GRAMD4: variants seen among roughly 807,000 people sequenced by gnomAD.
GRAMD4 encodes the protein GRAM domain-containing protein 4.
In GRAMD4, 25 loss-of-function variants were observed where a neutral mutation model predicts 83.9. The ratio of observed to expected loss-of-function variants is 0.30; its 90% confidence interval spans 0.22 to 0.42. The LOEUF (loss-of-function observed/expected upper bound fraction) is 0.42. Ranked by LOEUF, GRAMD4 falls within the 10% of genes least tolerant of loss-of-function variation. The probability of loss-of-function intolerance (pLI) is 1.00; values close to 1 mark genes in which losing one functional copy is unlikely to be tolerated. For synonymous variants in GRAMD4, 336 were observed against 320.9 expected (o/e 1.05, Z -0.50); for missense variants, 593 against 788.7 (o/e 0.75, Z 2.97).
chr22:46,593,784 C>T (rs367723851), intron 1 of GRAMD4, among the ~76,000 whole-genome samples: 6 of 151,880 alleles, frequency 4.0e-5, no homozygotes, highest in South Asian at 4.2e-4. Flanking sequence ...AGTGCAGTGG[C>T]GCGATCTCAG....
intron 1 of GRAMD4, among the ~76,000 whole-genome samples, chr22:46,599,024 A>G (rs1007749280): frequency 6.6e-6 from 1 of 152,048 alleles, no homozygotes; most frequent in African/African-American, 2.4e-5. Context: ...GCACCCCCGG[A>G]GGAGGATGGG....
chr22:46,668,387 G>A (rs1394441944), intron 11 of GRAMD4, among the ~76,000 whole-genome samples: 1 of 152,202 alleles, frequency 6.6e-6, no homozygotes, highest in Non-Finnish European at 1.5e-5. Context: ...TGGGGAAGGG[G>A]CCTCCTGATT....
In GRAMD4 at chr22:46,668,708, C is replaced by T; in HGVS notation, c.950C>T (p.Ala317Val). The part of the protein sequence containing the change: ...QKAQNLFGKM[A>V]DILEKIKNLF... ...ACACAGAACCTTTTCGGGAAGATGG[C>T]TGACATCCTGGAGAAGATCAAGAAG... Residue 317 changes from alanine to valine, a missense_variant, in exon 12 of 19, where the codon GCT becomes GTT. Ala to Val is a moderately conservative substitution (Grantham distance 64). This residue lies in a region of GRAMD4 where 36 missense variants were observed against 85.8 expected (regional missense o/e 0.42). Transcript: ENST00000406902. 6.2e-7 allele frequency: 1 copy of T among 1,612,492 alleles called. No individual in the cohort carries two copies. Among genetic ancestry groups the T allele is most frequent in the Non-Finnish European group, 8.5e-7 (1 of 1,179,408 alleles).
Position 46,675,518 on chromosome 22 carries a change from TC to T in GRAMD4, c.1530del (p.Ile511SerfsTer3), listed in dbSNP as rs2082583827. 1 of 1,613,050 alleles carries T rather than the reference TC, an allele frequency of 6.2e-7. No homozygotes were observed. The highest frequency in any genetic ancestry group is 1.3e-5 in the African/African-American group (1 of 74,904). On this transcript the variant is annotated frameshift_variant, in exon 17 of 19. Coordinates refer to ENST00000406902, the MANE Select transcript of GRAMD4 (RefSeq NM_015124.5). LOFTEE classifies it high-confidence loss of function. ...SKSGSSKRNK[V>X]IKLVDITDIQ... ...TCTGGGTCCTCAAAGAGGAACAAAG[TC>T]ATCAAGCTAGTGGACATCACGGACA...
At chr22:46,648,547 G>T (rs1249585756) in intron 3 of GRAMD4, among the ~76,000 whole-genome samples, 1 of 151,478 alleles carries the variant, frequency 6.6e-6, no homozygotes, top group Admixed American at 6.6e-5. Flanking sequence ...ATGGGAGAAG[G>T]GATGGTTAGA....
intron 1 of GRAMD4, among the ~76,000 whole-genome samples, chr22:46,612,080 T>A (rs953746651): frequency 3.4e-5 from 5 of 147,022 alleles, no homozygotes; most frequent in Non-Finnish European, 7.5e-5. Context: ...CATAGCTCAC[T>A]GCAGCCTTGA....
Position 46,626,928 on chromosome 22 carries a change from C to G in GRAMD4, c.129C>G (p.Thr43=). The G allele has an allele frequency of 1.2e-6, 2 of 1,614,142 alleles. No individual in the cohort carries two copies. The highest frequency in any genetic ancestry group is 2.7e-5 in the African/African-American group (2 of 75,050). Residue 43 remains threonine (T), a synonymous_variant, in exon 2 of 19, where the codon ACC becomes ACG. Coordinates refer to ENST00000406902, the MANE Select transcript of GRAMD4 (RefSeq NM_015124.5). ...SDEIPLKVPR[T]SPRDSEELRD... ...AAATCCCCCTGAAGGTACCGCGGACCTCGCCCCGGGACAGCGAGGAGCTGA... is the reference window on the plus strand; with the variant it reads ...AAATCCCCCTGAAGGTACCGCGGACGTCGCCCCGGGACAGCGAGGAGCTGA...
chr22:46,580,891 C>T (rs751763417), intron 1 of GRAMD4, among the ~76,000 whole-genome samples: 7 of 145,398 alleles, frequency 4.8e-5, no homozygotes, highest in Non-Finnish European at 7.4e-5. Flanking sequence ...CGCTTGAACC[C>T]GGGAGGCAGA....
upstream of GRAMD4, among the ~76,000 whole-genome samples, chr22:46,576,815 C>T (rs1165418985): frequency 2.0e-5 from 3 of 148,338 alleles, no homozygotes; most frequent in Non-Finnish European, 4.5e-5. Flanking sequence ...CCGTGGCGTC[C>T]GCCGTGGCAA....
At chr22:46,599,376 T>C (rs2081291304) in intron 1 of GRAMD4, among the ~76,000 whole-genome samples, 1 of 151,994 alleles carries the variant, frequency 6.6e-6, no homozygotes, top group Non-Finnish European at 1.5e-5. Context: ...TAGAGTGCAG[T>C]GTCACGATCT....
intron 18 of GRAMD4, 138 bp downstream of exon 18, chr22:46,676,806 G>T: frequency 1.3e-6 from 1 of 785,894 alleles, no homozygotes; most frequent in Non-Finnish European, 2.1e-6. Context: ...CCCCTCCCTC[G>T]CAGCAGCTAG....
chr22:46,587,895 GTACAGGGC>G (rs2081166745), intron 1 of GRAMD4: 1 of 985,328 alleles, frequency 1.0e-6, no homozygotes, highest in Non-Finnish European at 1.2e-6. Flanking sequence ...CGGGAGGATG[GTACAGGGC>G]TCCTGATCCT....
Position 46,677,745 on chromosome 22 carries a change from C to A in GRAMD4, c.*494C>A, listed in dbSNP as rs1601695749. 1.0e-6 allele frequency: 1 copy of A among 986,088 alleles called. No homozygotes were observed. The highest frequency in any genetic ancestry group is 5.2e-4 in the Middle Eastern group (1 of 1,916). The allele number at this position is 986,088 out of a possible 1,614,324, so 61.1% of individuals were successfully genotyped here. The stretch of plus-strand genomic sequence containing the variant: ...AAGGAGGGACATGGGGGCCTTTCAC[C>A]AACCACCGAGAAACGGGCCTGGCGG... On this transcript the variant is annotated 3_prime_UTR_variant, in exon 19 of 19. Transcript: ENST00000406902.
At chr22:46,640,780 T>C (rs2081963261) in intron 3 of GRAMD4, among the ~76,000 whole-genome samples, 1 of 152,086 alleles carries the variant, frequency 6.6e-6, no homozygotes, top group African/African-American at 2.4e-5. Flanking sequence ...CCAGGCAGGC[T>C]TCCCCGACAC....
intron 18 of GRAMD4, 21 bp from the exon 19 acceptor site, chr22:46,677,126 G>C: frequency 6.2e-7 from 1 of 1,611,118 alleles, no homozygotes; most frequent in African/African-American, 1.3e-5. Context: ...ATGCTCACTG[G>C]TGGCATTTCT....
chr22:46,614,804 G>A (rs1029867293), intron 1 of GRAMD4, among the ~76,000 whole-genome samples: 9 of 114,798 alleles, frequency 7.8e-5, no homozygotes, highest in East Asian at 2.7e-4. Context: ...AGGTTCCCCC[G>A]TGTGTAGGTT....
intron 1 of GRAMD4, among the ~76,000 whole-genome samples, chr22:46,592,358 C>A (rs1368292895): frequency 7.2e-5 from 11 of 151,986 alleles, no homozygotes; most frequent in African/African-American, 1.9e-4. Flanking sequence ...GTCTGTGGTC[C>A]CAGCTCCTTG....
In GRAMD4 at chr22:46,669,731, A is replaced by G. The variant is rs558690934; in HGVS notation, c.1084+823A>G. Among the ~76,000 whole-genome samples, 32 of 151,560 alleles carry G rather than the reference A, an allele frequency of 2.1e-4. No individual in the cohort carries two copies. The South Asian group carries it at 6.7e-3, about 32-fold the overall frequency. On this transcript the variant is annotated intron_variant, in intron 13 of 18. Coordinates refer to ENST00000406902, the MANE Select transcript of GRAMD4 (RefSeq NM_015124.5). ...GCTGGGACTACAGGCACCCGCCACC[A>G]CGCCCAGCTAATTTTTTTTGTATTT...
upstream of GRAMD4, among the ~76,000 whole-genome samples, chr22:46,618,082 G>A (rs1194156735): frequency 3.3e-5 from 5 of 152,118 alleles, no homozygotes; most frequent in African/African-American, 9.7e-5. The surrounding 1 kb of genome is among the most constrained non-coding windows in gnomAD (Gnocchi z 5.8). Flanking sequence ...TCAGGCTGGC[G>A]GGGACCCCCC....
Sources: allele counts gnomAD v4.1 joint callset (sites outside exome capture counted in the v4.1 genomes callset), GRCh38; gene constraint gnomAD v4.1.1; regional missense constraint gnomAD v4.1.1; non-coding constraint Gnocchi (gnomAD v3.1); transcripts MANE v1.5; gene names NCBI Gene and HGNC (gene_info 2026-07-23, HGNC 2026-07-21).